SLC44A1: variants seen among roughly 807,000 people sequenced by gnomAD.
The protein encoded by SLC44A1 is choline transporter-like protein 1.
Under a neutral mutation model 79.3 loss-of-function variants are expected in SLC44A1, and 26 were observed. The observed-to-expected ratio is 0.33, with a 90% CI of 0.24 to 0.46. The LOEUF is 0.46. Ranked by LOEUF, SLC44A1 falls within the 20% of genes least tolerant of loss-of-function variation. SLC44A1 has a pLI of 1.00. For synonymous variants in SLC44A1, 263 were observed against 286.2 expected, an observed-to-expected ratio of 0.92 and a Z score of 0.82; for missense variants, 688 against 798.1, an observed-to-expected ratio of 0.86 and a Z score of 1.66.
intron 15 of SLC44A1, among the ~76,000 whole-genome samples, chr9:105,405,319 TAAA>T (rs974280311): frequency 7.7e-6 from 1 of 129,912 alleles, no homozygotes; most frequent in Admixed American, 7.8e-5. Context: ...AGACTCCATT[TAAA>T]AAAAAAAAAA....
At chr9:105,368,204 T>C (rs1827997218) in intron 12 of SLC44A1, among the ~76,000 whole-genome samples, 1 of 150,436 alleles carries the variant, frequency 6.6e-6, no homozygotes, top group Non-Finnish European at 1.5e-5. Context: ...TTGGTCTTTT[T>C]TTTTTTTTAC....
intron 5 of SLC44A1, among the ~76,000 whole-genome samples, chr9:105,352,909 T>C (rs941322515): frequency 6.6e-6 from 1 of 152,106 alleles, no homozygotes; most frequent in African/African-American, 2.4e-5. Flanking sequence ...GTTGTTTTTG[T>C]TTGGGGAAAA....
At chr9:105,436,101 G>A (rs952244912) in intron 15 of SLC44A1, among the ~76,000 whole-genome samples, 1 of 152,226 alleles carries the variant, frequency 6.6e-6, no homozygotes, top group African/African-American at 2.4e-5. Context: ...AGGAGGCTGA[G>A]GCAGAAGAAT....
chr9:105,425,682 G>A (rs183399852), intron 15 of SLC44A1, among the ~76,000 whole-genome samples: 87 of 152,290 alleles, frequency 5.7e-4, no homozygotes, highest in Non-Finnish European at 9.4e-4. Flanking sequence ...AATTAGCCGG[G>A]CGTGATGGCG....
At chr9:105,345,425 T>C (rs562089541) in intron 4 of SLC44A1, among the ~76,000 whole-genome samples, 9 of 152,330 alleles carry the variant, frequency 5.9e-5, no homozygotes, top group Admixed American at 2.6e-4. Flanking sequence ...GAGGTATCTG[T>C]AGAACGTATG....
intron 13 of SLC44A1, among the ~76,000 whole-genome samples, chr9:105,379,517 A>G (rs892883826): frequency 1.3e-5 from 2 of 152,192 alleles, no homozygotes; most frequent in African/African-American, 2.4e-5. Context: ...CCGTTCTACT[A>G]TTTCTTACAA....
chr9:105,417,839 C>CAAAAAA (rs146589405), intron 15 of SLC44A1, among the ~76,000 whole-genome samples: 3 of 57,886 alleles, frequency 5.2e-5, no homozygotes, highest in African/African-American at 4.5e-5. Flanking sequence ...CTCATCCCTA[C>CAAAAAA]AAAAAAAAAA....
chr9:105,435,757 C>G (rs958030571), intron 15 of SLC44A1, among the ~76,000 whole-genome samples: 4 of 152,148 alleles, frequency 2.6e-5, no homozygotes, highest in African/African-American at 9.7e-5. Context: ...TAGCTAATAG[C>G]AGTGTACCAG....
rs1012811021 is a variant in SLC44A1, at chr9:105,392,863, C to T, written c.*3807C>T. On this transcript the variant is annotated 3_prime_UTR_variant, in exon 16 of 16. Transcript: ENST00000374720. Reference sequence around the variant, plus strand: ...CATTTAAATTGGACTTTCCAATAGCCTTAACATGGCCTCTGAGAAGTTTCC... The same window carrying T: ...CATTTAAATTGGACTTTCCAATAGCTTTAACATGGCCTCTGAGAAGTTTCC... The T allele has an allele frequency of 6.1e-6, 6 of 985,148 alleles. No homozygotes were observed. In the African/African-American group the frequency reaches 1.0e-4, roughly 17 times the overall value. The allele number at this position is 985,148 out of a possible 1,614,324, so 61.0% of individuals were successfully genotyped here.
At chr9:105,421,462 G>C (rs142539436) in intron 15 of SLC44A1, among the ~76,000 whole-genome samples, 188 of 152,218 alleles carry the variant, frequency 1.2e-3, no homozygotes, top group African/African-American at 4.3e-3. Flanking sequence ...AAGCATTAGA[G>C]CCACCGTCAT....
In SLC44A1 at chr9:105,392,241, A is replaced by G. The variant is rs890173930; in HGVS notation, c.*3185A>G. 5.2e-5 allele frequency: 51 copies of G among 983,854 alleles called. No individual in the cohort carries two copies. The highest frequency in any genetic ancestry group is 5.8e-5 in the Non-Finnish European group (48 of 828,636). 60.9% of individuals were successfully genotyped at this position (983,854 alleles called of 1,614,324 possible). A position where few individuals can be genotyped will look rare whatever the true frequency, so the allele number is the denominator to read the frequency against. On this transcript the variant is annotated 3_prime_UTR_variant, in exon 16 of 16. Transcript: ENST00000374720. ...AGGATTAAAGTTTTTATTTTATCCT[A>G]TAAGATAATTAAGTCCTAAGTCACT...
At chr9:105,426,902 A>G (rs1369507000) in intron 15 of SLC44A1, among the ~76,000 whole-genome samples, 1 of 151,926 alleles carries the variant, frequency 6.6e-6, no homozygotes, top group Non-Finnish European at 1.5e-5. Flanking sequence ...CAAGATACAT[A>G]TTAAATAATT....
intron 13 of SLC44A1, among the ~76,000 whole-genome samples, chr9:105,375,864 T>A (rs1260685952): frequency 6.6e-6 from 1 of 152,236 alleles, no homozygotes; most frequent in Admixed American, 6.5e-5. Context: ...CTACCACCAC[T>A]ATAACTAAAT....
chr9:105,357,763 G>A (rs1827664467), intron 6 of SLC44A1, among the ~76,000 whole-genome samples: 4 of 152,158 alleles, frequency 2.6e-5, no homozygotes, highest in Admixed American at 2.6e-4. Context: ...TTAGACAGAG[G>A]AAATTCGGCC....
intron 15 of SLC44A1, among the ~76,000 whole-genome samples, chr9:105,405,251 G>A (rs1033039585): frequency 6.6e-6 from 1 of 151,842 alleles, no homozygotes; most frequent in African/African-American, 2.4e-5. Flanking sequence ...AATCGGGGAG[G>A]CGGAGGTTGC....
chr9:105,281,335 G>A (rs769260966), intron 1 of SLC44A1, among the ~76,000 whole-genome samples: 2 of 152,190 alleles, frequency 1.3e-5, no homozygotes, highest in Non-Finnish European at 2.9e-5. Flanking sequence ...AGTGGCACAT[G>A]TGTTTTACTC....
intron 3 of SLC44A1, among the ~76,000 whole-genome samples, chr9:105,332,118 CTTTTTTTT>C (rs34173274): frequency 8.6e-5 from 11 of 128,242 alleles, no homozygotes; most frequent in African/African-American, 3.2e-4. Flanking sequence ...TTCTTTGTTT[CTTTTTTTT>C]TTTTTTTTTT....
intron 15 of SLC44A1, among the ~76,000 whole-genome samples, chr9:105,414,217 A>G (rs1829137607): frequency 6.6e-6 from 1 of 151,948 alleles, no homozygotes; most frequent in African/African-American, 2.4e-5. Context: ...CACGCCCACC[A>G]TGCCTGGCTA....
intron 15 of SLC44A1, among the ~76,000 whole-genome samples, chr9:105,387,060 A>AAAAAAAAAATAT (rs34780893): frequency 1.3e-4 from 1 of 7,714 alleles, no homozygotes; most frequent in African/African-American, 4.1e-4. Flanking sequence ...AAAAAAAAAA[A>AAAAAAAAAATAT]ATATATATAT....
Sources: gnomAD v4.1 joint callset for allele counts (sites outside exome capture counted in the v4.1 genomes callset) on GRCh38, gnomAD v4.1.1 for gene constraint, MANE v1.5 for transcripts, NCBI Gene and HGNC (gene_info 2026-07-23, HGNC 2026-07-21) for gene names.